PLPP3: variants seen among roughly 807,000 people sequenced by gnomAD.
The protein encoded by PLPP3 is phospholipid phosphatase 3.
In PLPP3, 6 loss-of-function variants were observed where a neutral mutation model predicts 29.6. That is an observed-to-expected ratio of 0.20 (90% CI 0.11 to 0.40). The LOEUF (loss-of-function observed/expected upper bound fraction) is 0.40, where lower values mean the gene tolerates loss of function less well. Ranked by LOEUF, PLPP3 falls within the 10% of genes least tolerant of loss-of-function variation. The pLI is 1.00. For missense variants in PLPP3, 308 were observed against 407.7 expected (o/e 0.76, Z 2.11); for synonymous variants, 152 against 159.7 (o/e 0.95, Z 0.36).
At chr1:56,555,334 C>T (rs887498846) in intron 1 of PLPP3, among the ~76,000 whole-genome samples, 3 of 143,654 alleles carry the variant, frequency 2.1e-5, no homozygotes, top group Non-Finnish European at 4.5e-5. Context: ...TACATTATCT[C>T]GTTATTGTTA....
intron 1 of PLPP3, among the ~76,000 whole-genome samples, chr1:56,560,049 C>A (rs1356417557): frequency 6.6e-6 from 1 of 152,202 alleles, no homozygotes; most frequent in African/African-American, 2.4e-5. Flanking sequence ...AGCCTTCCCC[C>A]AGAGCCCCTC....
intron 4 of PLPP3, among the ~76,000 whole-genome samples, chr1:56,514,368 C>T (rs926118598): frequency 6.6e-6 from 1 of 152,008 alleles, no homozygotes; most frequent in African/African-American, 2.4e-5. Flanking sequence ...ACAGAAGTTC[C>T]CCAAAACTTC....
At chr1:56,557,022 G>GAAGGAAAGAAAGAAAGAAA (rs1366799695) in intron 1 of PLPP3, among the ~76,000 whole-genome samples, 1 of 13,042 alleles carries the variant, frequency 7.7e-5, no homozygotes, top group Non-Finnish European at 2.0e-4. Context: ...GAGAGAGAGA[G>GAAGGAAAGAAAGAAAGAAA]AGAAAGAGAG....
chr1:56,578,083 T>A (rs1328409401), intron 1 of PLPP3, among the ~76,000 whole-genome samples: 3 of 152,084 alleles, frequency 2.0e-5, no homozygotes, highest in Non-Finnish European at 2.9e-5. Flanking sequence ...TTCCAACGAC[T>A]TTGGAAAACA....
chr1:56,529,418 C>T (rs1186016104), intron 2 of PLPP3, among the ~76,000 whole-genome samples: 1 of 152,124 alleles, frequency 6.6e-6, no homozygotes, highest in African/African-American at 2.4e-5. Flanking sequence ...CCTCTAAGTT[C>T]CTGCTAGCCA....
At chr1:56,557,729 T>C (rs1460209287) in intron 1 of PLPP3, among the ~76,000 whole-genome samples, 5 of 152,320 alleles carry the variant, frequency 3.3e-5, no homozygotes, top group Non-Finnish European at 7.3e-5. Context: ...TTTATAGACA[T>C]GCTGGTGAAG....
At chr1:56,537,665 G>A (rs1645937566) in intron 1 of PLPP3, among the ~76,000 whole-genome samples, 1 of 151,762 alleles carries the variant, frequency 6.6e-6, no homozygotes, top group South Asian at 2.1e-4. Context: ...ATGAGTTGTG[G>A]TGATGACTAA....
chr1:56,546,820 T>C (rs1646009225), intron 1 of PLPP3, among the ~76,000 whole-genome samples: 1 of 152,222 alleles, frequency 6.6e-6, no homozygotes, highest in South Asian at 2.1e-4. Flanking sequence ...ATAAATTGCA[T>C]GGTTATGCTT....
chr1:56,537,441 T>A (rs572740208), intron 1 of PLPP3, among the ~76,000 whole-genome samples: 6 of 152,250 alleles, frequency 3.9e-5, no homozygotes, highest in African/African-American at 1.4e-4. Context: ...AATCGCAACA[T>A]TTACTAATAT....
At chr1:56,519,758 T>C (rs1006309613) in intron 4 of PLPP3, among the ~76,000 whole-genome samples, 1 of 151,996 alleles carries the variant, frequency 6.6e-6, no homozygotes, top group Non-Finnish European at 1.5e-5. Context: ...TTTTTTTTTT[T>C]TAATTAGAAC....
intron 4 of PLPP3, among the ~76,000 whole-genome samples, chr1:56,521,564 TC>T (rs1645820021): frequency 6.6e-6 from 1 of 151,712 alleles, no homozygotes; most frequent in Admixed American, 6.6e-5. Flanking sequence ...TTAAGGAGGC[TC>T]TCCTTCTTTT....
intron 5 of PLPP3, among the ~76,000 whole-genome samples, chr1:56,499,781 C>T (rs1645654106): frequency 6.6e-6 from 1 of 152,156 alleles, no homozygotes; most frequent in Non-Finnish European, 1.5e-5. Flanking sequence ...ATTTGAACAG[C>T]AGGACACAAA....
At chr1:56,574,646 T>C (rs953206258) in intron 1 of PLPP3, among the ~76,000 whole-genome samples, 1 of 152,180 alleles carries the variant, frequency 6.6e-6, no homozygotes, top group Non-Finnish European at 1.5e-5. Flanking sequence ...AGGAAGCAGG[T>C]GAAAGGACAC....
intron 4 of PLPP3, among the ~76,000 whole-genome samples, chr1:56,518,607 T>C (rs1645797989): frequency 6.6e-6 from 1 of 151,934 alleles, no homozygotes; most frequent in Non-Finnish European, 1.5e-5. Context: ...CAAATATTTA[T>C]TGCACACTTA....
chr1:56,529,835 TGG>T (rs1001883043), intron 2 of PLPP3, among the ~76,000 whole-genome samples: 4 of 152,146 alleles, frequency 2.6e-5, no homozygotes, highest in Non-Finnish European at 5.9e-5. Flanking sequence ...GTATAATTTC[TGG>T]GCTTTATGGG....
intron 1 of PLPP3, among the ~76,000 whole-genome samples, chr1:56,542,383 C>A (rs1469375628): frequency 6.6e-6 from 1 of 152,142 alleles, no homozygotes; most frequent in Admixed American, 6.5e-5. Context: ...AACACAGCCT[C>A]CTTCTCACAA....
chr1:56,520,696 A>G (rs138407230), intron 4 of PLPP3, among the ~76,000 whole-genome samples: 3,853 of 151,614 alleles, frequency 0.025, 55 homozygotes, highest in South Asian at 0.087. Context: ...GGATCACCTG[A>G]GGTCAGGAGT....
At chr1:56,578,101 A>T (rs949670755) in intron 1 of PLPP3, among the ~76,000 whole-genome samples, 1 of 152,022 alleles carries the variant, frequency 6.6e-6, no homozygotes, top group Admixed American at 6.6e-5. Flanking sequence ...ACAGAAGTGG[A>T]CCATCGCCTC....
At chr1:56,559,581 A>C (rs1424759722) in intron 1 of PLPP3, among the ~76,000 whole-genome samples, 4 of 150,500 alleles carry the variant, frequency 2.7e-5, no homozygotes, top group Non-Finnish European at 5.9e-5. Flanking sequence ...TTACACTAAG[A>C]ATATATTACT....
Sources: allele counts gnomAD v4.1 joint callset (sites outside exome capture counted in the v4.1 genomes callset), GRCh38; gene constraint gnomAD v4.1.1; transcripts MANE v1.5; gene names NCBI Gene and HGNC (gene_info 2026-07-23, HGNC 2026-07-21).